ACOX2: variants seen among roughly 807,000 people sequenced by gnomAD.
The protein encoded by ACOX2 is peroxisomal acyl-coenzyme A oxidase 2.
A neutral mutation model predicts 77.5 loss-of-function variants in ACOX2; 59 were observed. That is an observed-to-expected ratio of 0.76 (90% CI 0.62 to 0.95). The LOEUF is 0.95. Among genes scored for constraint, ACOX2 ranks in the 40% least tolerant of loss-of-function variants. The pLI is 0.00. For synonymous variants in ACOX2, 317 were observed against 340.1 expected, an observed-to-expected ratio of 0.93 and a Z score of 0.75; for missense variants, 837 against 880.4, an observed-to-expected ratio of 0.95 and a Z score of 0.62.
In ACOX2 at chr3:58,530,540, G is replaced by A. The variant is rs998866884; in HGVS notation, c.918C>T (p.Leu306=). Residue 306 remains leucine (L), a synonymous_variant, in exon 8 of 15, where the codon CTC becomes CTT. Transcript: ENST00000302819. Reference sequence around the variant, plus strand: ...TGACACAGGCCTTCTGCAGTATAGGGAGGATCTCCCCTGACAGCAGCTCCA... The same window carrying A: ...TGACACAGGCCTTCTGCAGTATAGGAAGGATCTCCCCTGACAGCAGCTCCA... ...VRVELLSGEI[L]PILQKACVIA... 4.3e-6 allele frequency: 7 copies of A among 1,614,132 alleles called. No individual in the cohort carries two copies. The African/African-American group carries it at 9.3e-5, about 22-fold the overall frequency.
chr3:58,508,398 G>A (rs918988006), intron 14 of ACOX2, among the ~76,000 whole-genome samples: 9 of 152,154 alleles, frequency 5.9e-5, no homozygotes, highest in Middle Eastern at 3.2e-3. Context: ...GTATTCCTTA[G>A]AGTGAAGAGG....
intron 13 of ACOX2, 114 bp downstream of exon 13, chr3:58,517,092 C>T (rs2063326187): frequency 4.7e-6 from 5 of 1,071,372 alleles, no homozygotes; most frequent in Non-Finnish European, 5.5e-6. Context: ...TAGACCTCTC[C>T]AGGGCTGTTG....
At chr3:58,510,951 T>A in intron 13 of ACOX2, 1 of 456,358 alleles carries the variant, frequency 2.2e-6, no homozygotes, top group South Asian at 1.5e-5. Context: ...CATTTACTGT[T>A]TCTTTTTCTT....
chr3:58,530,105 C>T (rs1407009726), intron 8 of ACOX2, among the ~76,000 whole-genome samples: 1 of 152,260 alleles, frequency 6.6e-6, no homozygotes, highest in Admixed American at 6.5e-5. Context: ...ACTGGCTGAC[C>T]CAGACCCGTC....
intron 8 of ACOX2, among the ~76,000 whole-genome samples, chr3:58,530,155 C>G (rs964392809): frequency 3.3e-5 from 5 of 152,250 alleles, no homozygotes; most frequent in Non-Finnish European, 7.3e-5. Context: ...TGGACTCGGA[C>G]AGACACAGAG....
chr3:58,534,701 G>T lies in ACOX2; in HGVS notation c.161-179C>A. ...GAATTGCCCAAGGTTACAAAGCTATGCAGTGGCAGAATTTTAGGACCAGAA... is the reference window on the plus strand; with the variant it reads ...GAATTGCCCAAGGTTACAAAGCTATTCAGTGGCAGAATTTTAGGACCAGAA... On this transcript the variant is annotated intron_variant, in intron 2 of 14. Coordinates refer to ENST00000302819, the MANE Select transcript of ACOX2 (RefSeq NM_003500.4). This position sits in a 1 kb window ranked among gnomAD's most constrained non-coding sequence, Gnocchi z 4.8. 1 of 1,455,552 alleles carries T rather than the reference G, an allele frequency of 6.9e-7. No homozygotes were observed. The highest frequency in any genetic ancestry group is 9.3e-7 in the Non-Finnish European group (1 of 1,070,322). The allele number at this position is 1,455,552 out of a possible 1,614,324, so 90.2% of individuals were successfully genotyped here. A position where few individuals can be genotyped will look rare whatever the true frequency, so the allele number is the denominator to read the frequency against.
rs1484875921 is a variant in ACOX2, at chr3:58,534,468, G to A, written c.215C>T (p.Thr72Ile). The change falls in exon 3 of 15, where the codon ACC becomes ATC. Residue 72 changes from threonine to isoleucine, a missense_variant. Physicochemically the swap from Thr to Ile is moderately conservative, Grantham distance 89 (BLOSUM62 -1). Coordinates refer to ENST00000302819, the MANE Select transcript of ACOX2 (RefSeq NM_003500.4). This position sits in a 1 kb window ranked among gnomAD's most constrained non-coding sequence, Gnocchi z 4.8. ...EFSCKDNYFM[T>I]QNERYKAAMR... Reference sequence around the variant, plus strand: ...GGCAGCCTTATAACGCTCATTCTGGGTCATGAAATAATTGTCCTTACAGCT... The same window carrying A: ...GGCAGCCTTATAACGCTCATTCTGGATCATGAAATAATTGTCCTTACAGCT... The A allele has an allele frequency of 3.1e-6, 5 of 1,614,188 alleles. No homozygotes were observed. Among genetic ancestry groups the A allele is most frequent in the Non-Finnish European group, 3.4e-6 (4 of 1,180,030 alleles).
At position 58,531,528 on chromosome 3, in the gene ACOX2, T is replaced by G. The variant is rs963771623; in HGVS notation, c.704-162A>C. On this transcript the variant is annotated intron_variant, in intron 6 of 14. Coordinates refer to ENST00000302819, the MANE Select transcript of ACOX2 (RefSeq NM_003500.4). The surrounding 1 kb of genome is among the most constrained non-coding windows in gnomAD (Gnocchi z 5.8). The stretch of plus-strand genomic sequence containing the variant: ...AGGTCAGAAAGATGCTAAATCTTGC[T>G]CAAGTTCACCTAGCCAGTTAGCACC... 13 of 1,282,538 alleles carry G rather than the reference T, an allele frequency of 1.0e-5. No homozygotes were observed. The Admixed American group carries it at 3.0e-4, about 30-fold the overall frequency. The allele number at this position is 1,282,538 out of a possible 1,614,324, so 79.4% of individuals were successfully genotyped here. A position where few individuals can be genotyped will look rare whatever the true frequency, so the allele number is the denominator to read the frequency against.
chr3:58,530,564 C>T lies in ACOX2; in HGVS notation c.894G>A (p.Val298=). The T allele has an allele frequency of 6.2e-7, 1 of 1,614,252 alleles. No individual in the cohort carries two copies. ...SNYLPMVVVR[V]ELLSGEILPI... ...GGAGGATCTCCCCTGACAGCAGCTC[C>T]ACCCGCACCACCACCATGGGAAGGT... The change falls in exon 8 of 15, where the codon GTG becomes GTA. Residue 298 remains valine (V), a synonymous_variant. Transcript: ENST00000302819.
rs917688597 is a variant in ACOX2 at position 58,533,416 on chromosome 3, T to C, written c.583+29A>G. On this transcript the variant is annotated intron_variant, in intron 5 of 14. Transcript: ENST00000302819. The surrounding 1 kb of genome is among the most constrained non-coding windows in gnomAD (Gnocchi z 5.6). ...CCAACATTCTTCTACTTGGGGAGAG[T>C]TAAGGAAGGGGGGTGGATGTATACT... 6.3e-7 allele frequency: 1 copy of C among 1,588,820 alleles called. No homozygotes were observed. Among genetic ancestry groups the C allele is most frequent in the African/African-American group, 1.4e-5 (1 of 74,058 alleles).
Position 58,528,294 on chromosome 3 carries a change from A to G in ACOX2, c.1155+500T>C, listed in dbSNP as rs553069327. Among the ~76,000 whole-genome samples, 5 of 152,362 alleles carry G rather than the reference A, an allele frequency of 3.3e-5. No homozygotes were observed. The South Asian group carries it at 1.0e-3, about 32-fold the overall frequency. On this transcript the variant is annotated intron_variant, in intron 9 of 14. Coordinates refer to ENST00000302819, the MANE Select transcript of ACOX2 (RefSeq NM_003500.4). This position sits in a 1 kb window ranked among gnomAD's most constrained non-coding sequence, Gnocchi z 5.6. ...ATGCTTTACCTGAGACCTGTGAGCC[A>G]GATGTGTTTAGGAATCAGAGTAACT...
rs1300517339 is a variant in ACOX2, at chr3:58,528,944, T to G, written c.1005A>C (p.Ala335=). Residue 335 remains alanine, a synonymous_variant, in exon 9 of 15, where the codon GCA becomes GCC. Coordinates refer to ENST00000302819, the MANE Select transcript of ACOX2 (RefSeq NM_003500.4). This position sits in a 1 kb window ranked among gnomAD's most constrained non-coding sequence, Gnocchi z 5.6. ...QSRLRPSDPE[A]KVLDYQTQQQ... ...GTTGTGTCTGGTAGTCCAGGACCTT[T>G]GCCTCTGGGTCACTGAAGGGAAAAG... 1 of 1,609,880 alleles carries G rather than the reference T, an allele frequency of 6.2e-7. No homozygotes were observed. The highest frequency in any genetic ancestry group is 1.1e-5 in the South Asian group (1 of 90,042).
chr3:58,519,276 C>T lies in ACOX2; in HGVS notation c.1633-1853G>A, dbSNP rs1010776812. Among the ~76,000 whole-genome samples the T allele has an allele frequency of 1.2e-4, 18 of 151,880 alleles. No individual in the cohort carries two copies. Among genetic ancestry groups the T allele is most frequent in the Admixed American group, 3.3e-4 (5 of 15,260 alleles). ...GTGCACACCTGTAATTCTGGCTACT[C>T]GGAAGGCTGAGGCACAAGAATTGCT... On this transcript the variant is annotated intron_variant, in intron 12 of 14. Transcript: ENST00000302819. This position sits in a 1 kb window ranked among gnomAD's most constrained non-coding sequence, Gnocchi z 5.0.
At chr3:58,529,549 C>G (rs1231532943) in intron 8 of ACOX2, among the ~76,000 whole-genome samples, 1 of 152,210 alleles carries the variant, frequency 6.6e-6, no homozygotes, top group African/African-American at 2.4e-5. Context: ...CAGACAGCAG[C>G]TGCTTACCTG....
chr3:58,530,351 G>A (rs907184114), intron 8 of ACOX2, 115 bp downstream of exon 8: 1 of 1,410,058 alleles, frequency 7.1e-7, no homozygotes, highest in Non-Finnish European at 9.7e-7. Flanking sequence ...TATGTGGTGG[G>A]GGGCATTGCC....
Position 58,524,537 on chromosome 3 carries a change from G to A in ACOX2, c.1415C>T (p.Pro472Leu). Residue 472 changes from proline to leucine, a missense_variant, in exon 11 of 15, where the codon CCA (proline) becomes CTA (leucine). Pro to Leu is a moderately conservative substitution (Grantham distance 98). Coordinates refer to ENST00000302819, the MANE Select transcript of ACOX2 (RefSeq NM_003500.4). This position sits in a 1 kb window ranked among gnomAD's most constrained non-coding sequence, Gnocchi z 5.5. ...AGGTGCGGTGAGATATGCGACAGAT[G>A]GAGAGAGAGATCTCTGTGGCGTGGA... Reference protein sequence around the residue: ...PGSTPQRSLSPSVAYLTAPDL... With the variant: ...PGSTPQRSLSLSVAYLTAPDL... The A allele has an allele frequency of 6.2e-7, 1 of 1,614,182 alleles. No homozygotes were observed. The highest frequency in any genetic ancestry group is 8.5e-7 in the Non-Finnish European group (1 of 1,180,020).
chr3:58,517,514 T>C, intron 12 of ACOX2, 91 bp from the exon 13 acceptor site: 1 of 1,258,346 alleles, frequency 7.9e-7, no homozygotes, highest in South Asian at 1.3e-5. Flanking sequence ...GGAATAAACT[T>C]GAGGCATGAT....
At chr3:58,511,449 G>C (rs1045167097) in intron 13 of ACOX2, 1 of 236,958 alleles carries the variant, frequency 4.2e-6, no homozygotes, top group African/African-American at 2.3e-5. Context: ...AGCTGGAATT[G>C]ACTGCTATCC....
Position 58,533,820 on chromosome 3 carries a change from A to G in ACOX2, c.475+174T>C. ...ACTGGGAGCTCATACAATACGTGCA[A>G]ATTAGAAGGTGGCACCCCTTCCTCA... On this transcript the variant is annotated intron_variant, in intron 4 of 14. Coordinates refer to ENST00000302819, the MANE Select transcript of ACOX2 (RefSeq NM_003500.4). This position sits in a 1 kb window ranked among gnomAD's most constrained non-coding sequence, Gnocchi z 5.6. The G allele has an allele frequency of 1.2e-6, 1 of 848,234 alleles. No homozygotes were observed. The highest frequency in any genetic ancestry group is 1.8e-6 in the Non-Finnish European group (1 of 558,496). 52.5% of individuals were successfully genotyped at this position (848,234 alleles called of 1,614,324 possible).
Sources: gnomAD v4.1 joint callset for allele counts (sites outside exome capture counted in the v4.1 genomes callset) on GRCh38, gnomAD v4.1.1 for gene constraint, Gnocchi (gnomAD v3.1) non-coding constraint, MANE v1.5 for transcripts, NCBI Gene and HGNC (gene_info 2026-07-23, HGNC 2026-07-21) for gene names.